Variants in TRPM3 observed in about 807,000 individuals in gnomAD.
TRPM3 encodes the protein transient receptor potential cation channel subfamily M member 3.
Under a neutral mutation model 181.2 loss-of-function variants are expected in TRPM3, and 77 were observed. The ratio of observed to expected loss-of-function variants is 0.42; its 90% CI spans 0.35 to 0.51. The LOEUF (loss-of-function observed/expected upper bound fraction) is 0.51, where lower values mean the gene tolerates loss of function less well. Ranked by LOEUF, TRPM3 falls within the 20% of genes least tolerant of loss-of-function variation. The probability of loss-of-function intolerance (pLI) is 0.01; values close to 1 mark genes in which losing one functional copy is unlikely to be tolerated. For synonymous variants in TRPM3, 745 were observed against 796.4 expected, an observed-to-expected ratio of 0.94 and a Z score of 1.09; for missense variants, 1,759 against 2,196.7, an observed-to-expected ratio of 0.80 and a Z score of 3.98.
At chr9:71,003,383 A>G (rs776137283) in intron 1 of TRPM3, among the ~76,000 whole-genome samples, 6 of 148,176 alleles carry the variant, frequency 4.0e-5, no homozygotes, top group Non-Finnish European at 8.9e-5. Flanking sequence ...ATAATGATGC[A>G]ATAAATAATT....
chr9:71,351,101 G>A (rs77395998), intron 1 of TRPM3, among the ~76,000 whole-genome samples: 2,984 of 152,272 alleles, frequency 0.02, 58 homozygotes, highest in South Asian at 0.066. Context: ...TTTTAAAGGT[G>A]AACCTGATGA....
In TRPM3 at chr9:70,770,885, G is replaced by A. The variant is rs1327892; in HGVS notation, c.1149-9161C>T. 1.4e-3 allele frequency among the ~76,000 whole-genome samples: 214 copies of A among 152,208 alleles called. 2 individuals are homozygous for A. Among genetic ancestry groups the A allele is most frequent in the East Asian group, 0.012 (60 of 5,172 alleles). ...AGCTCAGAGCTGAAGCAAGGTAACC[G>A]GCATGCATATTAGCTGGAGGAGTCC... On this transcript the variant is annotated intron_variant, in intron 7 of 25. Transcript: ENST00000677713.
intron 1 of TRPM3, among the ~76,000 whole-genome samples, chr9:71,428,396 G>A (rs920622524): frequency 6.6e-6 from 1 of 151,650 alleles, no homozygotes; most frequent in Non-Finnish European, 1.5e-5. Context: ...ACGCCAGTCA[G>A]CCTGTTTTTT....
intron 1 of TRPM3, among the ~76,000 whole-genome samples, chr9:71,116,466 C>T (rs2072404960): frequency 6.6e-6 from 1 of 152,126 alleles, no homozygotes; most frequent in South Asian, 2.1e-4. Flanking sequence ...TCCTGGAATG[C>T]CTGAAATCAA....
intron 1 of TRPM3, among the ~76,000 whole-genome samples, chr9:71,444,401 C>T (rs951526511): frequency 2.0e-5 from 3 of 151,812 alleles, no homozygotes. Flanking sequence ...AATTTTTCCA[C>T]ATTTTTCTAT....
chr9:71,311,435 A>G (rs1044017197), intron 1 of TRPM3, among the ~76,000 whole-genome samples: 4 of 152,194 alleles, frequency 2.6e-5, no homozygotes, highest in African/African-American at 9.6e-5. Flanking sequence ...GGAACAGAAC[A>G]GAGAGCCATA....
At chr9:71,120,942 A>G (rs1289764510) in intron 1 of TRPM3, among the ~76,000 whole-genome samples, 5 of 144,430 alleles carry the variant, frequency 3.5e-5, no homozygotes, top group South Asian at 4.3e-4. Context: ...TGAGACCAAA[A>G]TCTCCTTCTC....
At chr9:71,337,885 G>A (rs896544890) in intron 1 of TRPM3, among the ~76,000 whole-genome samples, 4 of 152,112 alleles carry the variant, frequency 2.6e-5, no homozygotes, top group Non-Finnish European at 5.9e-5. Flanking sequence ...TGAACAATGA[G>A]AACACTTGGA....
intron 1 of TRPM3, among the ~76,000 whole-genome samples, chr9:71,248,762 A>T (rs1261952027): frequency 1.3e-5 from 2 of 152,150 alleles, no homozygotes; most frequent in African/African-American, 4.8e-5. Context: ...CTATTGTTAC[A>T]CATGTACGTA....
At chr9:71,084,720 C>G (rs1465371280) in intron 1 of TRPM3, among the ~76,000 whole-genome samples, 1 of 151,804 alleles carries the variant, frequency 6.6e-6, no homozygotes, top group East Asian at 1.9e-4. Flanking sequence ...ACAGATTAAA[C>G]ACTATTCCTA....
intron 16 of TRPM3, 105 bp downstream of exon 16, chr9:70,619,971 G>A: frequency 8.8e-7 from 1 of 1,139,892 alleles, no homozygotes; most frequent in Non-Finnish European, 1.2e-6. Context: ...TCACTGGGGT[G>A]ATACTGATTT....
intron 1 of TRPM3, among the ~76,000 whole-genome samples, chr9:71,336,061 T>C (rs1158528002): frequency 6.6e-6 from 1 of 152,052 alleles, no homozygotes; most frequent in African/African-American, 2.4e-5. Flanking sequence ...ATCAGTGTCT[T>C]TTGGCAAGCT....
At chr9:71,246,459 A>C (rs961175092) in intron 1 of TRPM3, among the ~76,000 whole-genome samples, 4 of 152,208 alleles carry the variant, frequency 2.6e-5, no homozygotes, top group African/African-American at 9.6e-5. Flanking sequence ...ACATTTTAGC[A>C]CATGGTTCCG....
intron 1 of TRPM3, among the ~76,000 whole-genome samples, chr9:71,025,846 C>T (rs926182634): frequency 1.8e-4 from 28 of 152,280 alleles, no homozygotes; most frequent in African/African-American, 5.5e-4. Context: ...GACTGGTGAA[C>T]TCAGAGGAAA....
intron 1 of TRPM3, among the ~76,000 whole-genome samples, chr9:71,164,351 T>C (rs1001791388): frequency 2.6e-5 from 4 of 152,164 alleles, no homozygotes; most frequent in Non-Finnish European, 5.9e-5. Context: ...AGTTTTCTCT[T>C]TTTTCTCTAC....
intron 1 of TRPM3, among the ~76,000 whole-genome samples, chr9:70,906,221 TA>T (rs559067174): frequency 2.4e-4 from 36 of 148,568 alleles, no homozygotes; most frequent in East Asian, 5.9e-4. Flanking sequence ...TTCCTATTGT[TA>T]AAAAAAAAAG....
intron 1 of TRPM3, among the ~76,000 whole-genome samples, chr9:70,992,614 G>T (rs758062369): frequency 6.6e-6 from 1 of 152,194 alleles, no homozygotes. Context: ...AGCCATATGT[G>T]TGTACTGAGC....
chr9:70,613,518 C>T (rs943868296), intron 18 of TRPM3, among the ~76,000 whole-genome samples: 1 of 152,202 alleles, frequency 6.6e-6, no homozygotes, highest in Non-Finnish European at 1.5e-5. Context: ...CAATGAGCTG[C>T]ACTCTGCAGT....
At chr9:71,314,182 G>A (rs919360901) in intron 1 of TRPM3, among the ~76,000 whole-genome samples, 7 of 151,916 alleles carry the variant, frequency 4.6e-5, no homozygotes, top group Admixed American at 3.9e-4. Flanking sequence ...ACTTTTTACA[G>A]GAGTTTTTTC....
Sources: gnomAD v4.1 joint callset for allele counts (sites outside exome capture counted in the v4.1 genomes callset) on GRCh38, gnomAD v4.1.1 for gene constraint, MANE v1.5 for transcripts, NCBI Gene and HGNC (gene_info 2026-07-23, HGNC 2026-07-21) for gene names.